CORO2A: variants seen among roughly 807,000 people sequenced by gnomAD.
CORO2A encodes the protein coronin 2A.
A neutral mutation model predicts 62.4 loss-of-function variants in CORO2A; 47 were observed. The observed-to-expected ratio is 0.75, with a 90% CI of 0.60 to 0.96. The LOEUF is 0.96. CORO2A is among the 40% of genes least tolerant of loss of function. The pLI is 0.00. For missense variants in CORO2A, 610 were observed against 684.1 expected (o/e 0.89, Z 1.21); for synonymous variants, 273 against 268.9 (o/e 1.02, Z -0.15).
chr9:98,172,090 C>G lies in CORO2A; in HGVS notation c.1-14430G>C, dbSNP rs374297648. ...AGGAGGGAGAGAATTCTGAGGCCTT[C>G]CGTGCTTGGACTCAGGAGGAAAAGG... On this transcript the variant is annotated intron_variant, in intron 1 of 11. Coordinates refer to ENST00000375077, the MANE Select transcript of CORO2A (RefSeq NM_052820.4). 2.0e-4 allele frequency among the ~76,000 whole-genome samples: 30 copies of G among 152,086 alleles called. 1 individual carries two copies. In the East Asian group the frequency reaches 5.6e-3, roughly 28 times the overall value.
In CORO2A at chr9:98,191,148, T is replaced by C. The variant is rs570508086; in HGVS notation, c.-1+1411A>G. Among the ~76,000 whole-genome samples, 31 of 152,312 alleles carry C rather than the reference T, an allele frequency of 2.0e-4. No individual in the cohort carries two copies. The South Asian group carries it at 4.8e-3, about 23-fold the overall frequency. ...AGGCTGAGAAGTGATTCCTAGAAAC[T>C]GCTCCCTCAAACAGGGCAGGCATCA... On this transcript the variant is annotated intron_variant, in intron 1 of 11. Coordinates refer to ENST00000375077, the MANE Select transcript of CORO2A (RefSeq NM_052820.4).
chr9:98,141,660 G>GA (rs1197102071), intron 2 of CORO2A, among the ~76,000 whole-genome samples: 1 of 152,152 alleles, frequency 6.6e-6, no homozygotes, highest in Admixed American at 6.5e-5. Context: ...AGCTGCCAAT[G>GA]ACCTCTTGCT....
At chr9:98,151,542 A>C (rs1827723840) in intron 2 of CORO2A, among the ~76,000 whole-genome samples, 1 of 151,640 alleles carries the variant, frequency 6.6e-6, no homozygotes, top group Non-Finnish European at 1.5e-5. Flanking sequence ...CCTTCCAAAT[A>C]CTCTTATTTT....
At chr9:98,155,842 T>G (rs901902539) in intron 2 of CORO2A, among the ~76,000 whole-genome samples, 1 of 152,174 alleles carries the variant, frequency 6.6e-6, no homozygotes, top group African/African-American at 2.4e-5. Context: ...TGATATTGTT[T>G]TTCTCATTCC....
In CORO2A at chr9:98,157,571, A is replaced by G; in HGVS notation, c.90T>C (p.Pro30=). Residue 30 remains proline (P), a synonymous_variant, in exon 2 of 12, where the codon CCT becomes CCC. Transcript: ENST00000375077. The part of the protein sequence containing the change: ...ASKENCYDSV[P]ITRSVHDNHF... ...GGTTGTCGTGAACGCTGCGGGTGAT[A>G]GGCACGGAGTCGTAGCAGTTCTCCT... The G allele has an allele frequency of 6.2e-7, 1 of 1,614,150 alleles. No homozygotes were observed.
chr9:98,150,304 C>T (rs1024943672), intron 2 of CORO2A, among the ~76,000 whole-genome samples: 3 of 152,202 alleles, frequency 2.0e-5, no homozygotes, highest in African/African-American at 4.8e-5. Flanking sequence ...CCTGGGCTTA[C>T]GACGCCTTCA....
At chr9:98,175,212 C>T (rs1052622638) in intron 1 of CORO2A, among the ~76,000 whole-genome samples, 2 of 152,200 alleles carry the variant, frequency 1.3e-5, no homozygotes, top group African/African-American at 4.8e-5. Flanking sequence ...AGGGCCATCT[C>T]TGCCAGGGCC....
chr9:98,156,143 G>A (rs1158837601), intron 2 of CORO2A, among the ~76,000 whole-genome samples: 1 of 150,022 alleles, frequency 6.7e-6, no homozygotes, highest in East Asian at 2.0e-4. Context: ...CCTGGGCTCA[G>A]GTAATCTGAC....
At chr9:98,184,918 G>A (rs1828220633) in intron 1 of CORO2A, among the ~76,000 whole-genome samples, 1 of 152,176 alleles carries the variant, frequency 6.6e-6, no homozygotes, top group Non-Finnish European at 1.5e-5. Context: ...TAGGTGCCTG[G>A]CATTTTGTAG....
chr9:98,174,498 T>C (rs1316115844), intron 1 of CORO2A, among the ~76,000 whole-genome samples: 3 of 152,192 alleles, frequency 2.0e-5, no homozygotes, highest in Admixed American at 2.0e-4. Flanking sequence ...GTAAAAATCT[T>C]GGCAGTGATG....
intron 1 of CORO2A, among the ~76,000 whole-genome samples, chr9:98,181,403 T>C (rs1347800870): frequency 6.7e-6 from 1 of 149,260 alleles, no homozygotes; most frequent in Admixed American, 6.7e-5. Flanking sequence ...CTGGAACTCC[T>C]GGCTTCAAGC....
intron 1 of CORO2A, 34 bp from the exon 2 acceptor site, chr9:98,157,694 C>T (rs1349541927): frequency 1.3e-6 from 2 of 1,572,832 alleles, no homozygotes; most frequent in African/African-American, 1.3e-5. Context: ...GGGTATGAGG[C>T]TCACTGCCCT....
At chr9:98,132,375 GC>G (rs1862145693) in intron 5 of CORO2A, 74 bp from the exon 6 acceptor site, 1 of 1,262,646 alleles carries the variant, frequency 7.9e-7, no homozygotes, top group African/African-American at 1.5e-5. Context: ...TGGCCTCCCT[GC>G]TTTGCTTATG....
At position 98,131,488 on chromosome 9, in the gene CORO2A, G is replaced by T. The variant is rs190381403; in HGVS notation, c.766-429C>A. Among the ~76,000 whole-genome samples, 23 of 152,036 alleles carry T rather than the reference G, an allele frequency of 1.5e-4. No individual in the cohort carries two copies. The East Asian group carries it at 4.3e-3, about 28-fold the overall frequency. On this transcript the variant is annotated intron_variant, in intron 6 of 11. Coordinates refer to ENST00000375077, the MANE Select transcript of CORO2A (RefSeq NM_052820.4). ...TTATAGATATGCACCACTGCACCCCGCTGATTTTTTGCAGAGATGGGGGTC... is the reference window on the plus strand; with the variant it reads ...TTATAGATATGCACCACTGCACCCCTCTGATTTTTTGCAGAGATGGGGGTC...
intron 7 of CORO2A, among the ~76,000 whole-genome samples, chr9:98,130,098 T>C (rs1827383539): frequency 6.6e-6 from 1 of 152,242 alleles, no homozygotes; most frequent in South Asian, 2.1e-4. Context: ...TTTTATCTTA[T>C]TTTTTTGAGA....
intron 2 of CORO2A, among the ~76,000 whole-genome samples, chr9:98,147,949 G>T (rs1827665468): frequency 6.6e-6 from 1 of 152,092 alleles, no homozygotes; most frequent in Admixed American, 6.5e-5. Flanking sequence ...CTATTCAGCA[G>T]TAAGAAAGGA....
intron 9 of CORO2A, 65 bp from the exon 10 acceptor site, chr9:98,128,325 T>C: frequency 2.3e-6 from 3 of 1,310,114 alleles, no homozygotes; most frequent in South Asian, 2.5e-5. Flanking sequence ...GAAAGGCCCT[T>C]AGACCTGGGA....
At chr9:98,145,798 T>C (rs1315807989) in intron 2 of CORO2A, among the ~76,000 whole-genome samples, 1 of 152,178 alleles carries the variant, frequency 6.6e-6, no homozygotes, top group Non-Finnish European at 1.5e-5. Flanking sequence ...CTGCAACCTC[T>C]GTCTCCCGGG....
chr9:98,148,830 C>G (rs1013939099), intron 2 of CORO2A, among the ~76,000 whole-genome samples: 4 of 151,672 alleles, frequency 2.6e-5, no homozygotes, highest in African/African-American at 9.7e-5. Context: ...GATCAATACT[C>G]AATATATGCA....
Sources: gnomAD v4.1 joint callset for allele counts (sites outside exome capture counted in the v4.1 genomes callset) on GRCh38, gnomAD v4.1.1 for gene constraint, MANE v1.5 for transcripts, NCBI Gene and HGNC (gene_info 2026-07-23, HGNC 2026-07-21) for gene names.